APBA1: variants seen among roughly 807,000 people sequenced by gnomAD.
APBA1 encodes amyloid-beta A4 precursor protein-binding family A member 1.
In APBA1, 55 loss-of-function variants were observed where a neutral mutation model predicts 86.6. The ratio of observed to expected loss-of-function variants is 0.64; its 90% CI spans 0.51 to 0.80. APBA1 has a LOEUF of 0.80. APBA1 is among the 30% of genes least tolerant of loss of function. APBA1 has a pLI of 0.00. For missense variants in APBA1, 1,090 were observed against 1,183.0 expected, an observed-to-expected ratio of 0.92 and a Z score of 1.15; for synonymous variants, 511 against 493.9, an observed-to-expected ratio of 1.03 and a Z score of -0.46.
chr9:69,546,940 A>T (rs1262038848), intron 1 of APBA1, among the ~76,000 whole-genome samples: 1 of 152,264 alleles, frequency 6.6e-6, no homozygotes, highest in Non-Finnish European at 1.5e-5. Flanking sequence ...AAGCTACGGC[A>T]GTTTAAAAGT....
chr9:69,475,681 G>A (rs892283536), intron 3 of APBA1, among the ~76,000 whole-genome samples: 1 of 152,230 alleles, frequency 6.6e-6, no homozygotes, highest in Non-Finnish European at 1.5e-5. Flanking sequence ...GGCATGTAAC[G>A]CCAGGAGGAA....
intron 9 of APBA1, 57 bp downstream of exon 9, chr9:69,452,065 T>C: frequency 6.4e-7 from 1 of 1,554,890 alleles, no homozygotes; most frequent in Non-Finnish European, 8.8e-7. Flanking sequence ...GTGCCCCACT[T>C]TCCAAGCCCC....
intron 1 of APBA1, among the ~76,000 whole-genome samples, chr9:69,530,696 C>T (rs1028663411): frequency 2.0e-5 from 3 of 152,176 alleles, no homozygotes; most frequent in Non-Finnish European, 4.4e-5. Flanking sequence ...CAAACATACA[C>T]ATGTACACCC....
chr9:69,435,239 G>A (rs1409815194), intron 11 of APBA1, among the ~76,000 whole-genome samples: 5 of 151,958 alleles, frequency 3.3e-5, no homozygotes, highest in African/African-American at 9.7e-5. Context: ...ATTGTGAATA[G>A]TGCCACAATA....
intron 10 of APBA1, among the ~76,000 whole-genome samples, chr9:69,445,360 G>A (rs1186648971): frequency 1.3e-5 from 2 of 152,116 alleles, no homozygotes; most frequent in Non-Finnish European, 2.9e-5. Context: ...GTTTCATGTT[G>A]GGTCCCATTA....
chr9:69,593,844 TTTG>T (rs1484227896), intron 1 of APBA1, among the ~76,000 whole-genome samples: 1 of 152,176 alleles, frequency 6.6e-6, no homozygotes, highest in Non-Finnish European at 1.5e-5. Context: ...CCCTGAAAGA[TTTG>T]TTATTTGTGA....
chr9:69,505,564 T>C (rs1835945621), intron 2 of APBA1, among the ~76,000 whole-genome samples: 1 of 152,120 alleles, frequency 6.6e-6, no homozygotes, highest in African/African-American at 2.4e-5. Context: ...GGAGCAGAGA[T>C]AAACGCCATT....
At chr9:69,432,702 C>T (rs961040463) in intron 11 of APBA1, 26 bp from the exon 12 acceptor site, 1 of 1,525,946 alleles carries the variant, frequency 6.6e-7, no homozygotes, top group Non-Finnish European at 8.8e-7. Context: ...GCAGAGTTAC[C>T]CTCATTGCAG....
In APBA1 at chr9:69,449,871, C is replaced by G. The variant is rs964293867; in HGVS notation, c.1969-75G>C. On this transcript the variant is annotated intron_variant, in intron 9 of 12. Transcript: ENST00000265381. ...TAGGTAGAAATGAAAGCCTCTCCCC[C>G]ATTCCTGTCTTGCCTAAAGAAAGAC... 10 of 1,351,940 alleles carry G rather than the reference C, an allele frequency of 7.4e-6. No individual in the cohort carries two copies. The South Asian group carries it at 8.1e-5, about 11-fold the overall frequency. 83.7% of individuals were successfully genotyped at this position (1,351,940 alleles called of 1,614,324 possible).
At chr9:69,461,921 C>T (rs1440898009) in intron 5 of APBA1, 3 of 152,320 alleles carry the variant, frequency 2.0e-5, no homozygotes, top group Middle Eastern at 3.4e-3. Context: ...TAGATTTCTT[C>T]AACTAAGCTG....
At chr9:69,523,354 A>G (rs1455713874) in intron 1 of APBA1, among the ~76,000 whole-genome samples, 1 of 151,608 alleles carries the variant, frequency 6.6e-6, no homozygotes, top group Non-Finnish European at 1.5e-5. Context: ...GCATCATACC[A>G]TCTTAACACA....
intron 5 of APBA1, chr9:69,460,657 T>TG (rs1491238361): frequency 4.4e-4 from 56 of 128,666 alleles, no homozygotes; most frequent in African/African-American, 2.2e-3. Context: ...ACCCAAATTC[T>TG]TTTTTTTTTT....
chr9:69,459,348 G>A (rs1483165494), intron 5 of APBA1, among the ~76,000 whole-genome samples: 1 of 152,168 alleles, frequency 6.6e-6, no homozygotes, highest in Non-Finnish European at 1.5e-5. Context: ...CTATATACTT[G>A]CTGGTTCTTT....
At chr9:69,589,948 C>G (rs1213185512) in intron 1 of APBA1, among the ~76,000 whole-genome samples, 2 of 152,140 alleles carry the variant, frequency 1.3e-5, no homozygotes, top group African/African-American at 4.8e-5. Flanking sequence ...AGCATGAGGA[C>G]TTGGTTTGGT....
chr9:69,608,240 G>A (rs1286355081), intron 1 of APBA1, among the ~76,000 whole-genome samples: 1 of 152,198 alleles, frequency 6.6e-6, no homozygotes, highest in African/African-American at 2.4e-5. Flanking sequence ...ACTGTTGACT[G>A]CAAACTCAGT....
chr9:69,543,686 C>G (rs565019386), intron 1 of APBA1, among the ~76,000 whole-genome samples: 1 of 152,132 alleles, frequency 6.6e-6, no homozygotes, highest in Admixed American at 6.5e-5. Flanking sequence ...AGGAGGAAAC[C>G]AAGGAACAGA....
chr9:69,664,889 A>G (rs185625831), intron 1 of APBA1, among the ~76,000 whole-genome samples: 1 of 152,310 alleles, frequency 6.6e-6, no homozygotes, highest in Non-Finnish European at 1.5e-5. Context: ...AAATCCCTAA[A>G]TTAAAATAAC....
At chr9:69,571,511 T>C (rs1837113683) in intron 1 of APBA1, among the ~76,000 whole-genome samples, 1 of 152,168 alleles carries the variant, frequency 6.6e-6, no homozygotes, top group Admixed American at 6.6e-5. Flanking sequence ...TGTATATATT[T>C]GCACACACAC....
rs143655536 is a variant in APBA1, at chr9:69,470,561, TAAG to T, written c.1336+1092_1336+1094del. Among the ~76,000 whole-genome samples, 691 of 152,268 alleles carry T rather than the reference TAAG, an allele frequency of 4.5e-3. 2 individuals carry two copies. Among genetic ancestry groups the T allele is most frequent in the African/African-American group, 0.015 (642 of 41,546 alleles). Reference sequence around the variant, plus strand: ...TTTACGATGATTCAAGAGAGAAACCTAAGTAACTAAACCAAAACTGTGAGCTTG... The same window carrying T: ...TTTACGATGATTCAAGAGAGAAACCTTAACTAAACCAAAACTGTGAGCTTG... On this transcript the variant is annotated intron_variant, in intron 4 of 12. Coordinates refer to ENST00000265381, the MANE Select transcript of APBA1 (RefSeq NM_001163.4).
Sources: allele counts gnomAD v4.1 joint callset (sites outside exome capture counted in the v4.1 genomes callset), GRCh38; gene constraint gnomAD v4.1.1; transcripts MANE v1.5; gene names NCBI Gene and HGNC (gene_info 2026-07-23, HGNC 2026-07-21).